The following ASTN2 variants were observed in gnomAD, a reference collection of about 807,000 sequenced individuals.
ASTN2 encodes the protein astrotactin-2.
ASTN2 carries 54 observed loss-of-function variants against 139.8 expected under a neutral mutation model. The ratio of observed to expected loss-of-function variants is 0.39; its 90% CI spans 0.31 to 0.48. ASTN2 has a LOEUF of 0.48. Among genes scored for constraint, ASTN2 ranks in the 20% least tolerant of loss-of-function variants. The pLI, the probability that ASTN2 is intolerant of heterozygous loss-of-function variation, is 0.95. For missense variants in ASTN2, 1,565 were observed against 1,725.1 expected (o/e 0.91, Z 1.64); for synonymous variants, 756 against 719.5 (o/e 1.05, Z -0.81).
rs772973145 is a variant in ASTN2 at position 116,707,010 on chromosome 9, G to T, written c.2806+18761C>A. Among the ~76,000 whole-genome samples the T allele has an allele frequency of 8.7e-4, 132 of 152,022 alleles. 1 individual carries two copies. Among genetic ancestry groups the T allele is most frequent in the Non-Finnish European group, 1.7e-3 (116 of 67,978 alleles). ...CTCTGAATTGTGTTTCTGGATCCCA[G>T]TGTCAGCTGTGACTGTCACGAGGCT... On this transcript the variant is annotated intron_variant, in intron 16 of 22. Transcript: ENST00000313400.
At position 117,149,771 on chromosome 9, in the gene ASTN2, T is replaced by C. The variant is rs139933921; in HGVS notation, c.1016-8293A>G. Reference sequence around the variant, plus strand: ...TCCTTAGGCAGATGAGAATGCTTCATGACTAGAATAAATTTAAAACCCAAG... The same window carrying C: ...TCCTTAGGCAGATGAGAATGCTTCACGACTAGAATAAATTTAAAACCCAAG... On this transcript the variant is annotated intron_variant, in intron 3 of 22. Coordinates refer to ENST00000313400, the MANE Select transcript of ASTN2 (RefSeq NM_001365068.1). 7.8e-3 allele frequency among the ~76,000 whole-genome samples: 1,192 copies of C among 152,288 alleles called. 14 individuals are homozygous for C. The highest frequency in any genetic ancestry group is 0.027 in the African/African-American group (1,142 of 41,568).
At chr9:116,992,416 G>T (rs1359297803) in intron 7 of ASTN2, among the ~76,000 whole-genome samples, 1 of 152,122 alleles carries the variant, frequency 6.6e-6, no homozygotes, top group Non-Finnish European at 1.5e-5. Flanking sequence ...AGGGGTAGAG[G>T]CAAGGGTCAT....
Position 116,698,408 on chromosome 9 carries a change from G to A in ASTN2, c.2806+27363C>T. The stretch of plus-strand genomic sequence containing the variant: ...AGAAGTCCAATAGTCAAGTGGTAGA[G>A]GAGCAGAGTTACCTGCTTAACATTG... On this transcript the variant is annotated intron_variant, in intron 16 of 22. Transcript: ENST00000313400. The surrounding 1 kb of genome is among the most constrained non-coding windows in gnomAD (Gnocchi z 4.4). The A allele has an allele frequency of 1.2e-6, 2 of 1,614,152 alleles. No homozygotes were observed. The highest frequency in any genetic ancestry group is 1.1e-5 in the South Asian group (1 of 91,080).
chr9:117,215,188 C>T (rs775543386), intron 2 of ASTN2, among the ~76,000 whole-genome samples: 3 of 152,158 alleles, frequency 2.0e-5, no homozygotes, highest in Non-Finnish European at 4.4e-5. Context: ...CTACGCTCCC[C>T]CAGCCTTGCT....
At chr9:116,596,955 G>A (rs1226249596) in intron 19 of ASTN2, among the ~76,000 whole-genome samples, 2 of 152,154 alleles carry the variant, frequency 1.3e-5, no homozygotes, top group Non-Finnish European at 2.9e-5. Flanking sequence ...GAGAAAGTAG[G>A]CTAGTGTTGT....
intron 1 of ASTN2, among the ~76,000 whole-genome samples, chr9:117,379,910 G>A (rs1830220705): frequency 6.6e-6 from 1 of 152,156 alleles, no homozygotes; most frequent in South Asian, 2.1e-4. Flanking sequence ...TCTGGGTGAA[G>A]GGGAGGGAGT....
At chr9:116,578,859 G>A (rs936644329) in intron 19 of ASTN2, 10 of 152,046 alleles carry the variant, frequency 6.6e-5, no homozygotes, top group Admixed American at 6.6e-4. Flanking sequence ...AAGGCTCTGA[G>A]CAGCAGAAAA....
At chr9:116,794,853 G>C (rs114389515) in intron 13 of ASTN2, among the ~76,000 whole-genome samples, 1 of 152,206 alleles carries the variant, frequency 6.6e-6, no homozygotes, top group Non-Finnish European at 1.5e-5. Context: ...GTAGGTGAGC[G>C]AGACTGATGT....
intron 10 of ASTN2, among the ~76,000 whole-genome samples, chr9:116,972,244 T>G (rs1836230558): frequency 6.6e-6 from 1 of 152,202 alleles, no homozygotes; most frequent in Admixed American, 6.5e-5. Context: ...ATGATATTAT[T>G]TTGTGTCTGG....
chr9:116,461,237 A>G (rs1248981969), intron 20 of ASTN2, among the ~76,000 whole-genome samples: 7 of 151,326 alleles, frequency 4.6e-5, no homozygotes, highest in Admixed American at 4.6e-4. Flanking sequence ...TATTTATTAT[A>G]TTTATTGATT....
chr9:116,710,069 G>C (rs911951024), intron 16 of ASTN2, among the ~76,000 whole-genome samples: 1 of 152,120 alleles, frequency 6.6e-6, no homozygotes, highest in African/African-American at 2.4e-5. Flanking sequence ...TCACATCTGG[G>C]AAAACTGATA....
chr9:116,771,308 C>T (rs1284750421), intron 13 of ASTN2, among the ~76,000 whole-genome samples: 1 of 38,734 alleles, frequency 2.6e-5, no homozygotes, highest in African/African-American at 4.8e-5. Context: ...TCACTTTACC[C>T]CTCCATGTTC....
At chr9:117,224,821 T>C (rs1832649245) in intron 2 of ASTN2, among the ~76,000 whole-genome samples, 1 of 152,182 alleles carries the variant, frequency 6.6e-6, no homozygotes, top group East Asian at 1.9e-4. Context: ...TTGTGGGTCA[T>C]GAGTTCTCTG....
chr9:117,002,785 C>G (rs1311796566), intron 7 of ASTN2, among the ~76,000 whole-genome samples: 1 of 152,158 alleles, frequency 6.6e-6, no homozygotes, highest in Non-Finnish European at 1.5e-5. Flanking sequence ...TCCCGCCTTG[C>G]TCCAGCAAAG....
intron 1 of ASTN2, among the ~76,000 whole-genome samples, chr9:117,405,662 C>T (rs140005831): frequency 1.9e-3 from 296 of 152,216 alleles, no homozygotes; most frequent in African/African-American, 6.9e-3. Context: ...ACCTTGATTT[C>T]CCCATCTTTA....
At chr9:116,500,863 A>G (rs1336379110) in intron 19 of ASTN2, among the ~76,000 whole-genome samples, 1 of 152,220 alleles carries the variant, frequency 6.6e-6, no homozygotes, top group Non-Finnish European at 1.5e-5. Flanking sequence ...TTTAAAAAAT[A>G]CCAATTCATG....
At chr9:116,962,463 C>T (rs1564361797) in intron 10 of ASTN2, among the ~76,000 whole-genome samples, 2 of 152,164 alleles carry the variant, frequency 1.3e-5, no homozygotes, top group Admixed American at 1.3e-4. Flanking sequence ...AGCCTCTAAG[C>T]CATGATGGAC....
intron 1 of ASTN2, among the ~76,000 whole-genome samples, chr9:117,295,321 T>G (rs34473603): frequency 0.23 from 34,767 of 151,680 alleles, 5,053 homozygotes; most frequent in Non-Finnish European, 0.32. Flanking sequence ...GACCCTGTCT[T>G]TAAAATAAAA....
At chr9:116,604,538 G>A (rs1281131951) in intron 19 of ASTN2, among the ~76,000 whole-genome samples, 1 of 152,154 alleles carries the variant, frequency 6.6e-6, no homozygotes. Flanking sequence ...TAAGCAGAGA[G>A]CAGGCGGGTG....
Sources: gnomAD v4.1 joint callset for allele counts (sites outside exome capture counted in the v4.1 genomes callset) on GRCh38, gnomAD v4.1.1 for gene constraint, Gnocchi (gnomAD v3.1) non-coding constraint, MANE v1.5 for transcripts, NCBI Gene and HGNC (gene_info 2026-07-23, HGNC 2026-07-21) for gene names.